Variants in HDAC5 observed in about 807,000 individuals in gnomAD.
HDAC5 encodes antigen NY-CO-9.
Under a neutral mutation model 133.3 loss-of-function variants are expected in HDAC5, and 25 were observed. The observed-to-expected ratio is 0.19, with a 90% CI of 0.14 to 0.26. The LOEUF is 0.26. Among genes scored for constraint, HDAC5 ranks in the 10% least tolerant of loss-of-function variants. HDAC5 has a pLI of 1.00. For missense variants in HDAC5, 1,041 were observed against 1,460.5 expected (o/e 0.71, Z 4.68); for synonymous variants, 589 against 610.8 (o/e 0.96, Z 0.53).
intron 3 of HDAC5, among the ~76,000 whole-genome samples, chr17:44,102,793 A>C (rs2051700229): frequency 6.6e-6 from 1 of 151,686 alleles, no homozygotes; most frequent in Admixed American, 6.6e-5. Context: ...CAGCCTCCCA[A>C]GTAGCTGGGA....
At chr17:44,098,668 G>C (rs2051407466) in intron 3 of HDAC5, among the ~76,000 whole-genome samples, 1 of 151,028 alleles carries the variant, frequency 6.6e-6, no homozygotes, top group African/African-American at 2.4e-5. Context: ...TTGAACCCAG[G>C]AGGCAGAGGT....
rs745979016 is a variant in HDAC5, at chr17:44,087,718, A to G, written c.1600-22T>C. On this transcript the variant is annotated intron_variant, in intron 12 of 26. Coordinates refer to ENST00000682912, the MANE Select transcript of HDAC5 (RefSeq NM_005474.5). ...GGATCTGATAACAGAATATGGGGGC[A>G]CATCAGCTGGGAGTTGGGGAGCAGC... is the stretch of plus-strand genomic sequence containing the variant. 8 of 1,544,766 alleles carry G rather than the reference A, an allele frequency of 5.2e-6. No individual in the cohort carries two copies. In the East Asian group the frequency reaches 1.8e-4, roughly 35 times the overall value.
intron 24 of HDAC5, 90 bp downstream of exon 24, chr17:44,079,054 G>C (rs768350056): frequency 5.8e-6 from 9 of 1,550,574 alleles, no homozygotes; most frequent in Non-Finnish European, 7.9e-6. Context: ...CCAAGGAAAA[G>C]CTTCCTAAGG....
At position 44,109,675 on chromosome 17, in the gene HDAC5, G is replaced by C. The variant is rs909238084; in HGVS notation, c.94+1054C>G. On this transcript the variant is annotated intron_variant, in intron 3 of 26. Transcript: ENST00000682912. ...AAGTCCCACTGCAACCTTATCCCTG[G>C]GCAGCTCAGAGCCAAATCACAGGCA... Among the ~76,000 whole-genome samples, 6 of 152,350 alleles carry C rather than the reference G, an allele frequency of 3.9e-5. No individual in the cohort carries two copies. In the East Asian group the frequency reaches 1.2e-3, roughly 29 times the overall value.
At chr17:44,112,339 TCC>T (rs921159406) in intron 2 of HDAC5, among the ~76,000 whole-genome samples, 6 of 151,928 alleles carry the variant, frequency 3.9e-5, no homozygotes, top group Admixed American at 2.0e-4. Context: ...CCAGTGGCAC[TCC>T]CCCGCCCTCC....
At chr17:44,091,163 T>C (rs1012600403) in intron 11 of HDAC5, 107 bp downstream of exon 11, 6 of 844,718 alleles carry the variant, frequency 7.1e-6, no homozygotes, top group Non-Finnish European at 1.2e-5. Flanking sequence ...AAGAAATCAC[T>C]GATGCTGTTG....
rs781524325 is a variant in HDAC5, at chr17:44,093,602, A to G, written c.327T>C (p.His109=). Residue 109 remains histidine (H), a synonymous_variant, in exon 4 of 27, where the codon CAT becomes CAC. Transcript: ENST00000682912. ...QKQHDHLTRQ[H]EVQLQKHLKQ... Reference sequence around the variant, plus strand: ...TGAGGTGCTTCTGCAGCTGGACCTCATGCTGCCTTGTCAGGTGGTCATGCT... The same window carrying G: ...TGAGGTGCTTCTGCAGCTGGACCTCGTGCTGCCTTGTCAGGTGGTCATGCT... 6.2e-7 allele frequency: 1 copy of G among 1,610,480 alleles called. No homozygotes were observed. Among genetic ancestry groups the G allele is most frequent in the African/African-American group, 1.3e-5 (1 of 74,814 alleles).
chr17:44,085,039 G>C lies in HDAC5; in HGVS notation c.2167C>G (p.Leu723Val), dbSNP rs769786491. ...SIWSRLQETG[L>V]LSKCERIRGR... ...TCCCTTACCTCGCACTTGCTAAGCA[G>C]GCCTGTCTCCTGCAGCCGGGACCAG... is the stretch of plus-strand genomic sequence containing the variant. Residue 723 changes from leucine to valine, a missense_variant, in exon 15 of 27, where the codon CTG (leucine) becomes GTG (valine). By Grantham distance (32) the Leu-to-Val change is conservative (BLOSUM62 1). Around this residue, in one of 9 missense-constraint regions of HDAC5, gnomAD observed 42 missense variants for 101.7 expected, o/e 0.41. Transcript: ENST00000682912. 1 of 1,591,540 alleles carries C rather than the reference G, an allele frequency of 6.3e-7. No homozygotes were observed. The highest frequency in any genetic ancestry group is 8.6e-7 in the Non-Finnish European group (1 of 1,161,362).
intron 2 of HDAC5, among the ~76,000 whole-genome samples, chr17:44,115,067 A>G (rs1192316448): frequency 6.6e-6 from 1 of 152,136 alleles, no homozygotes; most frequent in Non-Finnish European, 1.5e-5. Context: ...TCTTGCTAAC[A>G]TGTTCACTGT....
chr17:44,083,415 C>T, intron 18 of HDAC5, 130 bp downstream of exon 18: 1 of 657,522 alleles, frequency 1.5e-6, no homozygotes, highest in South Asian at 1.9e-5. Context: ...CTCCTTCCCA[C>T]CCTGGTGCCT....
intron 16 of HDAC5, 146 bp downstream of exon 16, chr17:44,084,409 G>T: frequency 1.1e-6 from 1 of 932,940 alleles, no homozygotes; most frequent in Non-Finnish European, 1.6e-6. Context: ...GGAGGTGTGT[G>T]ACGTGATAAT....
At position 44,091,494 on chromosome 17, in the gene HDAC5, T is replaced by TG. The variant is rs760590623; in HGVS notation, c.1165-3dup. ...CTGTGTCGACAGCTTCGGGGAGGCC[T>TG]GGGGGGTGAAGGGAGGGGCTTATAC... On this transcript the variant is annotated splice_polypyrimidine_tract_variant and splice_region_variant and intron_variant, in intron 10 of 26. Coordinates refer to ENST00000682912, the MANE Select transcript of HDAC5 (RefSeq NM_005474.5). The TG allele has an allele frequency of 1.6e-5, 25 of 1,547,326 alleles. No homozygotes were observed. In the African/African-American group the frequency reaches 2.9e-4, roughly 18 times the overall value.
At chr17:44,103,571 C>T (rs1193282233) in intron 3 of HDAC5, among the ~76,000 whole-genome samples, 1 of 152,084 alleles carries the variant, frequency 6.6e-6, no homozygotes. Flanking sequence ...AGAATGTACG[C>T]GGAGGAGCTT....
chr17:44,109,195 C>T (rs1401645365), intron 3 of HDAC5, among the ~76,000 whole-genome samples: 2 of 152,194 alleles, frequency 1.3e-5, no homozygotes, highest in Non-Finnish European at 2.9e-5. Flanking sequence ...AGCCAGATGG[C>T]GTGGAGCTGT....
intron 20 of HDAC5, chr17:44,082,002 G>C (rs190239128): frequency 3.3e-5 from 5 of 152,412 alleles, no homozygotes; most frequent in African/African-American, 7.2e-5. Context: ...CCAGCTCACA[G>C]AGAGTGGTGT....
intron 3 of HDAC5, among the ~76,000 whole-genome samples, chr17:44,100,459 G>A (rs1033485383): frequency 6.6e-6 from 1 of 151,696 alleles, no homozygotes; most frequent in African/African-American, 2.4e-5. Flanking sequence ...ATAAGGCCAG[G>A]CACAGTGGTT....
At chr17:44,080,990 T>C (rs938335469) in intron 20 of HDAC5, 108 bp from the exon 21 acceptor site, 5 of 1,481,138 alleles carry the variant, frequency 3.4e-6, no homozygotes, top group Non-Finnish European at 4.6e-6. Flanking sequence ...TCCTAGCATT[T>C]TGGGAGGCTG....
rs2052721779 is a variant in HDAC5, at chr17:44,117,506, G to A, written c.10C>T (p.Pro4Ser). ...TCCCAGCTCTTACCCGACTCGTTGG[G>A]AGAGTTCATGCCGGCTCTGGGCCTG... MNS[P>S]NESDGMSGRE... is the part of the protein sequence containing the mutation. The change falls in exon 2 of 27, where the codon CCC becomes TCC. Residue 4 changes from proline (P) to serine (S), a missense_variant. This residue lies in a region of HDAC5 where 93 missense variants were observed against 98.8 expected (regional missense o/e 0.94). Transcript: ENST00000682912. The surrounding 1 kb of genome is among the most constrained non-coding windows in gnomAD (Gnocchi z 4.2). 2 of 1,613,948 alleles carry A rather than the reference G, an allele frequency of 1.2e-6. No individual in the cohort carries two copies. Among genetic ancestry groups the A allele is most frequent in the East Asian group, 2.2e-5 (1 of 44,890 alleles).
At chr17:44,081,204 G>A (rs1260986443) in intron 20 of HDAC5, among the ~76,000 whole-genome samples, 1 of 152,058 alleles carries the variant, frequency 6.6e-6, no homozygotes, top group Non-Finnish European at 1.5e-5. Context: ...CAGTTTTGGG[G>A]AAAACATTAA....
Sources: gnomAD v4.1 joint callset for allele counts (sites outside exome capture counted in the v4.1 genomes callset) on GRCh38, gnomAD v4.1.1 for gene constraint, gnomAD v4.1.1 regional missense constraint, Gnocchi (gnomAD v3.1) non-coding constraint, MANE v1.5 for transcripts, NCBI Gene and HGNC (gene_info 2026-07-23, HGNC 2026-07-21) for gene names.